Variants in NCAM2 observed in about 807,000 individuals in gnomAD.
NCAM2 encodes neural cell adhesion molecule 2, also known as N-CAM-2.
A neutral mutation model predicts 98.1 loss-of-function variants in NCAM2; 30 were observed. The observed-to-expected ratio is 0.31, with a 90% CI of 0.23 to 0.41. NCAM2 has a LOEUF of 0.41. NCAM2 is among the 10% of genes least tolerant of loss of function. The pLI is 1.00. For missense variants in NCAM2, 867 were observed against 1,005.8 expected (o/e 0.86, Z 1.87); for synonymous variants, 368 against 342.4 (o/e 1.07, Z -0.83).
chr21:21,515,568 G>A (rs1002134126), intron 16 of NCAM2, among the ~76,000 whole-genome samples: 3 of 150,726 alleles, frequency 2.0e-5, no homozygotes, highest in South Asian at 2.1e-4. Context: ...TATCTCTAAT[G>A]TACTTTTTAA....
chr21:21,099,859 C>T (rs2066203642), intron 1 of NCAM2, among the ~76,000 whole-genome samples: 1 of 151,856 alleles, frequency 6.6e-6, no homozygotes, highest in African/African-American at 2.4e-5. Context: ...TTTACTTCTA[C>T]ACTACTGACC....
Position 21,145,526 on chromosome 21 carries a change from A to G in NCAM2, c.56-135052A>G, listed in dbSNP as rs553599223. Among the ~76,000 whole-genome samples the G allele has an allele frequency of 3.3e-5, 5 of 152,274 alleles. No homozygotes were observed. In the East Asian group the frequency reaches 7.7e-4, roughly 24 times the overall value. On this transcript the variant is annotated intron_variant, in intron 1 of 17. Transcript: ENST00000400546. ...ATGTTGATCAAAACATTACAGATAAATAGGCATACTTTTTATATAATAAAA... is the reference window on the plus strand; with the variant it reads ...ATGTTGATCAAAACATTACAGATAAGTAGGCATACTTTTTATATAATAAAA...
intron 5 of NCAM2, among the ~76,000 whole-genome samples, chr21:21,299,792 G>T (rs1255835469): frequency 6.6e-6 from 1 of 151,892 alleles, no homozygotes; most frequent in Non-Finnish European, 1.5e-5. Flanking sequence ...GACTCAGCAG[G>T]CTTCACAAAG....
intron 1 of NCAM2, among the ~76,000 whole-genome samples, chr21:21,025,884 A>G (rs1228535650): frequency 6.6e-6 from 1 of 152,230 alleles, no homozygotes. Flanking sequence ...GTCTTGGCTG[A>G]AAATTGGTTA....
At chr21:21,450,714 A>T (rs1045210446) in intron 12 of NCAM2, among the ~76,000 whole-genome samples, 1 of 151,638 alleles carries the variant, frequency 6.6e-6, no homozygotes, top group Non-Finnish European at 1.5e-5. Flanking sequence ...ATTATGTCCA[A>T]TATGCATTTT....
At chr21:21,206,939 A>T (rs1162251908) in intron 1 of NCAM2, among the ~76,000 whole-genome samples, 4 of 152,120 alleles carry the variant, frequency 2.6e-5, no homozygotes, top group African/African-American at 9.7e-5. Context: ...TAATTTGCCC[A>T]TGGGTGAAGA....
intron 12 of NCAM2, among the ~76,000 whole-genome samples, chr21:21,441,664 G>A (rs1037446967): frequency 2.4e-4 from 36 of 152,124 alleles, no homozygotes; most frequent in African/African-American, 7.5e-4. Flanking sequence ...GCAATTTTAA[G>A]TAAGGTAGTG....
intron 1 of NCAM2, among the ~76,000 whole-genome samples, chr21:21,013,537 T>C (rs1004581763): frequency 3.9e-5 from 6 of 152,136 alleles, no homozygotes; most frequent in Non-Finnish European, 7.4e-5. Context: ...ATTTCAGCAC[T>C]TTTGGAGGCT....
intron 10 of NCAM2, among the ~76,000 whole-genome samples, chr21:21,411,092 GTA>G (rs1366357681): frequency 6.3e-5 from 1 of 15,794 alleles, no homozygotes; most frequent in Non-Finnish European, 1.0e-4. Flanking sequence ...ATATATGTGT[GTA>G]TATATATACA....
intron 6 of NCAM2, among the ~76,000 whole-genome samples, chr21:21,327,997 TTTTA>T (rs2074565630): frequency 6.6e-6 from 1 of 152,194 alleles, no homozygotes; most frequent in South Asian, 2.1e-4. Flanking sequence ...CAATATGGAT[TTTTA>T]TTGTTAGCCC....
chr21:21,355,761 G>A (rs145498212), intron 8 of NCAM2, among the ~76,000 whole-genome samples: 1,879 of 151,646 alleles, frequency 0.012, 32 homozygotes, highest in African/African-American at 0.043. Flanking sequence ...GACTACAGGC[G>A]CGTGCCACCA....
intron 12 of NCAM2, among the ~76,000 whole-genome samples, chr21:21,453,018 T>TA (rs1324262631): frequency 3.8e-5 from 4 of 105,650 alleles, no homozygotes; most frequent in Non-Finnish European, 7.0e-5. Context: ...TATATAAAAA[T>TA]ATATAATATA....
intron 1 of NCAM2, among the ~76,000 whole-genome samples, chr21:21,179,094 G>A (rs1169654392): frequency 1.3e-5 from 2 of 152,050 alleles, no homozygotes; most frequent in Non-Finnish European, 2.9e-5. Flanking sequence ...AGAGTTTCAC[G>A]AAATTAAGGT....
intron 1 of NCAM2, among the ~76,000 whole-genome samples, chr21:21,199,208 A>C (rs2069120208): frequency 6.6e-6 from 1 of 152,124 alleles, no homozygotes; most frequent in South Asian, 2.1e-4. Flanking sequence ...AGGTTTTATT[A>C]ATGTCTTTCA....
intron 1 of NCAM2, among the ~76,000 whole-genome samples, chr21:21,092,037 G>A (rs1055338502): frequency 6.6e-6 from 1 of 152,026 alleles, no homozygotes; most frequent in Non-Finnish European, 1.5e-5. Context: ...ACAAATGAAT[G>A]AATCAATGAG....
chr21:21,137,706 C>T (rs145647782), intron 1 of NCAM2, among the ~76,000 whole-genome samples: 1 of 152,076 alleles, frequency 6.6e-6, no homozygotes, highest in South Asian at 2.1e-4. Context: ...TGCAGTGAGC[C>T]GAGATCGTGC....
chr21:21,308,503 A>G (rs891324547), intron 5 of NCAM2, among the ~76,000 whole-genome samples: 2 of 152,102 alleles, frequency 1.3e-5, no homozygotes, highest in African/African-American at 4.8e-5. Context: ...GTTCCTCTGT[A>G]CATAAAGTAT....
At chr21:21,000,875 A>C (rs1482919924) in intron 1 of NCAM2, among the ~76,000 whole-genome samples, 3 of 152,138 alleles carry the variant, frequency 2.0e-5, no homozygotes, top group African/African-American at 7.2e-5. Context: ...AGTATCAGAC[A>C]CACCACCGGG....
At chr21:21,447,067 G>T (rs2146108384) in intron 12 of NCAM2, among the ~76,000 whole-genome samples, 1 of 152,090 alleles carries the variant, frequency 6.6e-6, no homozygotes, top group Non-Finnish European at 1.5e-5. Context: ...ATTTCATAGG[G>T]AATCAAAGAA....
Sources: gnomAD v4.1 joint callset for allele counts (sites outside exome capture counted in the v4.1 genomes callset) on GRCh38, gnomAD v4.1.1 for gene constraint, MANE v1.5 for transcripts, NCBI Gene and HGNC (gene_info 2026-07-23, HGNC 2026-07-21) for gene names.